Variants in FGF14 observed in about 807,000 individuals in gnomAD.
FGF14 encodes fibroblast growth factor 14.
FGF14 carries 5 observed loss-of-function variants against 25.5 expected under a neutral mutation model. The observed-to-expected ratio is 0.20, with a 90% CI of 0.10 to 0.41. FGF14 has a LOEUF of 0.41. Ranked by LOEUF, FGF14 falls within the 10% of genes least tolerant of loss-of-function variation. FGF14 has a pLI of 1.00. For missense variants in FGF14, 222 were observed against 320.1 expected, an observed-to-expected ratio of 0.69 and a Z score of 2.34; for synonymous variants, 138 against 118.3, an observed-to-expected ratio of 1.17 and a Z score of -1.08.
At chr13:101,892,293 C>T (rs189444048) in intron 1 of FGF14, among the ~76,000 whole-genome samples, 9 of 152,088 alleles carry the variant, frequency 5.9e-5, no homozygotes, top group Admixed American at 2.6e-4. Flanking sequence ...ATGTAGGTTC[C>T]CACTGTACAT....
intron 1 of FGF14, among the ~76,000 whole-genome samples, chr13:102,050,225 C>T (rs1435708621): frequency 6.6e-6 from 1 of 152,214 alleles, no homozygotes; most frequent in African/African-American, 2.4e-5. Flanking sequence ...ATCCTTCCAT[C>T]TGTATCAGGA....
chr13:102,215,680 G>A (rs1361453208), intron 1 of FGF14, among the ~76,000 whole-genome samples: 1 of 152,126 alleles, frequency 6.6e-6, no homozygotes, highest in African/African-American at 2.4e-5. Context: ...TACTGTGTGT[G>A]TATGTTTAGG....
At chr13:102,338,839 C>A (rs1469078914) in intron 1 of FGF14, among the ~76,000 whole-genome samples, 2 of 151,574 alleles carry the variant, frequency 1.3e-5, no homozygotes, top group African/African-American at 4.8e-5. Context: ...CATGGTGAAA[C>A]CCCGTCTTTA....
intron 1 of FGF14, among the ~76,000 whole-genome samples, chr13:102,345,193 A>G (rs2057069016): frequency 6.6e-6 from 1 of 152,216 alleles, no homozygotes; most frequent in Non-Finnish European, 1.5e-5. Flanking sequence ...AGAAGTAAAA[A>G]GGATTTGGAG....
rs1209012063 is a variant in FGF14, at chr13:102,219,463, G to A, written c.208+182008C>T. 2.0e-5 allele frequency among the ~76,000 whole-genome samples: 3 copies of A among 152,128 alleles called. No homozygotes were observed. The East Asian group carries it at 5.8e-4, about 29-fold the overall frequency. ...GTGAAATTCTTCCATTTCATATCTT[G>A]CTAAAGTTAGTTGTAGAATTGAACC... is the stretch of plus-strand genomic sequence containing the variant. On this transcript the variant is annotated intron_variant, in intron 1 of 4. Transcript: ENST00000376131.
intron 1 of FGF14, among the ~76,000 whole-genome samples, chr13:101,929,084 C>T (rs1190282807): frequency 1.3e-5 from 2 of 152,196 alleles, no homozygotes; most frequent in African/African-American, 4.8e-5. Flanking sequence ...TGAGCGCTAA[C>T]TCTGCACCAC....
chr13:101,798,305 C>T (rs1385601294), intron 3 of FGF14, among the ~76,000 whole-genome samples: 3 of 151,994 alleles, frequency 2.0e-5, no homozygotes, highest in African/African-American at 4.8e-5. Flanking sequence ...TAAGTAAAAC[C>T]AACAAGGAAG....
chr13:102,211,741 A>G (rs899942519), intron 1 of FGF14, among the ~76,000 whole-genome samples: 2 of 152,196 alleles, frequency 1.3e-5, no homozygotes, highest in African/African-American at 4.8e-5. Flanking sequence ...CCCTAACTCA[A>G]AAAGAGTTCA....
chr13:101,911,063 G>C (rs1424414860), intron 1 of FGF14, among the ~76,000 whole-genome samples: 5 of 151,834 alleles, frequency 3.3e-5, no homozygotes, highest in African/African-American at 1.2e-4. Flanking sequence ...ATCATATTTA[G>C]AAACCTTTCC....
intron 1 of FGF14, among the ~76,000 whole-genome samples, chr13:102,308,917 A>C (rs554212696): frequency 2.1e-5 from 2 of 97,484 alleles, no homozygotes; most frequent in East Asian, 5.6e-4. Context: ...TTTCTTATAC[A>C]AAAAAAAAAA....
chr13:102,095,178 CAAGGAAA>C (rs2044334820), intron 1 of FGF14, among the ~76,000 whole-genome samples: 1 of 152,044 alleles, frequency 6.6e-6, no homozygotes, highest in Non-Finnish European at 1.5e-5. Context: ...CAGAATCTAT[CAAGGAAA>C]TTATTTAAAA....
intron 1 of FGF14, among the ~76,000 whole-genome samples, chr13:102,072,926 C>T (rs528278624): frequency 6.6e-6 from 1 of 152,304 alleles, no homozygotes; most frequent in Admixed American, 6.5e-5. Context: ...CTGAAGAGTT[C>T]ATGCCCCACC....
intron 1 of FGF14, among the ~76,000 whole-genome samples, chr13:102,044,778 C>T (rs2041905978): frequency 6.6e-6 from 1 of 152,098 alleles, no homozygotes; most frequent in South Asian, 2.1e-4. Flanking sequence ...ATCGTCAGTC[C>T]CCCACAACTT....
chr13:102,250,853 C>A (rs572743794), intron 1 of FGF14, among the ~76,000 whole-genome samples: 40 of 152,252 alleles, frequency 2.6e-4, no homozygotes, highest in African/African-American at 9.1e-4. Flanking sequence ...ATGACTTACT[C>A]CAAAGAAGGA....
At chr13:102,367,899 T>G (rs1398825141) in intron 1 of FGF14, 1 of 152,218 alleles carries the variant, frequency 6.6e-6, no homozygotes, top group Non-Finnish European at 1.5e-5. Context: ...CCCCGGACGA[T>G]GGACTAAGAG....
chr13:102,252,003 T>G (rs1162455469), intron 1 of FGF14, among the ~76,000 whole-genome samples: 1 of 152,208 alleles, frequency 6.6e-6, no homozygotes, highest in African/African-American at 2.4e-5. Context: ...ATGAGCATAA[T>G]GCTGTACCAG....
chr13:101,804,063 G>C (rs542997841), intron 3 of FGF14, among the ~76,000 whole-genome samples: 1 of 152,102 alleles, frequency 6.6e-6, no homozygotes, highest in South Asian at 2.1e-4. Flanking sequence ...AAAAAAGCCA[G>C]AGAATAAGAA....
intron 1 of FGF14, among the ~76,000 whole-genome samples, chr13:102,095,639 C>T (rs987003695): frequency 6.6e-6 from 1 of 152,134 alleles, no homozygotes; most frequent in African/African-American, 2.4e-5. Flanking sequence ...CCTCATTCTC[C>T]TCCCCCTTAG....
At chr13:101,837,805 T>G (rs1046380818) in intron 3 of FGF14, among the ~76,000 whole-genome samples, 27 of 152,196 alleles carry the variant, frequency 1.8e-4, no homozygotes, top group African/African-American at 6.0e-4. Context: ...GGATGCAAAG[T>G]AGTGCTCCTG....
Sources: allele counts gnomAD v4.1 joint callset (sites outside exome capture counted in the v4.1 genomes callset), GRCh38; gene constraint gnomAD v4.1.1; transcripts MANE v1.5; gene names NCBI Gene and HGNC (gene_info 2026-07-23, HGNC 2026-07-21).